DGKB: variants seen among roughly 807,000 people sequenced by gnomAD.
DGKB encodes 90 kDa diacylglycerol kinase.
In DGKB, 67 loss-of-function variants were observed where a neutral mutation model predicts 114.3. The observed-to-expected ratio is 0.59, with a 90% CI of 0.48 to 0.72. DGKB has a LOEUF of 0.72. Ranked by LOEUF, DGKB falls within the 30% of genes least tolerant of loss-of-function variation. DGKB has a pLI of 0.00. For synonymous variants in DGKB, 398 were observed against 323.1 expected (o/e 1.23, Z -2.49); for missense variants, 907 against 975.2 (o/e 0.93, Z 0.93).
chr7:14,499,006 G>T (rs1785716736), intron 20 of DGKB, among the ~76,000 whole-genome samples: 1 of 151,620 alleles, frequency 6.6e-6, no homozygotes, highest in Admixed American at 6.6e-5. Flanking sequence ...ATTTCATTGG[G>T]AAGTTTAGTC....
intron 7 of DGKB, 124 bp from the exon 8 acceptor site, chr7:14,698,293 T>G (rs1034520516): frequency 1.7e-6 from 1 of 601,980 alleles, no homozygotes; most frequent in African/African-American, 2.0e-5. Flanking sequence ...TATGGGAATA[T>G]ATATATGTAC....
chr7:14,208,985 T>A (rs1357076414), intron 23 of DGKB: 2 of 152,496 alleles, frequency 1.3e-5, no homozygotes, highest in African/African-American at 2.4e-5. Context: ...GTAGCCTATA[T>A]ATTCTATACA....
intron 20 of DGKB, among the ~76,000 whole-genome samples, chr7:14,531,101 T>C (rs965176346): frequency 6.6e-6 from 1 of 151,590 alleles, no homozygotes; most frequent in South Asian, 2.1e-4. Context: ...AATACACTTA[T>C]CTATTCCTTA....
Position 14,574,238 on chromosome 7 carries a change from T to C in DGKB, c.1744A>G (p.Ile582Val). 1 of 1,613,260 alleles carries C rather than the reference T, an allele frequency of 6.2e-7. No homozygotes were observed. Among genetic ancestry groups the C allele is most frequent in the Non-Finnish European group, 8.5e-7 (1 of 1,179,520 alleles). The change falls in exon 20 of 26, where the codon ATC becomes GTC. Residue 582 changes from isoleucine to valine, a missense_variant. Coordinates refer to ENST00000402815, the MANE Select transcript of DGKB (RefSeq NM_001350709.2). ...ACGCCAATGGAAAAGTAATTATTGA[T>C]GATACTGTAAGGCACTGGGTCTCCT... ...EKGDPVPYSI[I>V]NNYFSIGVDA...
intron 1 of DGKB, among the ~76,000 whole-genome samples, chr7:14,913,424 T>C (rs966856266): frequency 6.6e-6 from 1 of 150,766 alleles, no homozygotes; most frequent in Admixed American, 6.7e-5. Context: ...AGGTTATGTA[T>C]CCTAATCATC....
In DGKB at chr7:14,574,162, T is replaced by G. The variant is rs538869634; in HGVS notation, c.1770+50A>C. The stretch of plus-strand genomic sequence containing the variant: ...TTTCATAGTTTAAAAGTTTTCTCAC[T>G]GTGATTATACAGTACAGGTACAAAG... On this transcript the variant is annotated intron_variant, in intron 20 of 25. Coordinates refer to ENST00000402815, the MANE Select transcript of DGKB (RefSeq NM_001350709.2). 9.4e-5 allele frequency: 131 copies of G among 1,394,120 alleles called. No individual in the cohort carries two copies. The South Asian group carries it at 1.9e-3, about 20-fold the overall frequency. The allele number at this position is 1,394,120 out of a possible 1,614,324, so 86.4% of individuals were successfully genotyped here.
At chr7:14,647,529 A>G (rs1250128761) in intron 13 of DGKB, among the ~76,000 whole-genome samples, 4 of 152,244 alleles carry the variant, frequency 2.6e-5, no homozygotes, top group African/African-American at 9.6e-5. Flanking sequence ...ACACAAAACA[A>G]CAACAAACTA....
In DGKB at chr7:14,767,933, C is replaced by G. The variant is rs184643091; in HGVS notation, c.71-10202G>C. On this transcript the variant is annotated intron_variant, in intron 2 of 25. Coordinates refer to ENST00000402815, the MANE Select transcript of DGKB (RefSeq NM_001350709.2). ...GCAACAATTCTGTATTCTCTAGTCA[C>G]AACACTAATAACATCCTGTTTTAAG... 4.9e-3 allele frequency among the ~76,000 whole-genome samples: 746 copies of G among 151,952 alleles called. 3 individuals are homozygous for G. Among genetic ancestry groups the G allele is most frequent in the Middle Eastern group, 0.014 (4 of 294 alleles).
At chr7:14,563,418 A>G (rs1446920863) in intron 20 of DGKB, among the ~76,000 whole-genome samples, 1 of 152,168 alleles carries the variant, frequency 6.6e-6, no homozygotes, top group Non-Finnish European at 1.5e-5. Flanking sequence ...TGAAATCTTC[A>G]AAGTGGTAAG....
chr7:14,630,189 T>A, intron 14 of DGKB, 47 bp downstream of exon 14: 2 of 1,366,478 alleles, frequency 1.5e-6, no homozygotes, highest in Non-Finnish European at 1.0e-6. Context: ...ACAAGATGTA[T>A]AATGACCTAT....
At chr7:14,864,541 A>C (rs187888919) in intron 1 of DGKB, among the ~76,000 whole-genome samples, 26 of 152,320 alleles carry the variant, frequency 1.7e-4, no homozygotes, top group Middle Eastern at 6.8e-3. Flanking sequence ...ATGTATTTTG[A>C]ATATAGAAAG....
At chr7:14,828,454 T>G (rs1268717817) in intron 2 of DGKB, among the ~76,000 whole-genome samples, 1 of 152,022 alleles carries the variant, frequency 6.6e-6, no homozygotes, top group East Asian at 1.9e-4. Flanking sequence ...CCTTAGACAG[T>G]TGGAATAAGA....
chr7:14,203,096 G>GA lies in DGKB; in HGVS notation c.2123-24946dup, dbSNP rs1191140290. ...AAAAAGGTGCAAATGTGTGCAACGT[G>GA]AAAAAAAATCAACAGATGTGCGAAT... On this transcript the variant is annotated intron_variant, in intron 23 of 25. Transcript: ENST00000402815. 1.7e-4 allele frequency among the ~76,000 whole-genome samples: 21 copies of GA among 122,278 alleles called. No homozygotes were observed. The East Asian group carries it at 4.1e-3, about 24-fold the overall frequency. The allele number at this position is 122,278 out of a possible 152,430, so 80.2% of individuals were successfully genotyped here.
At chr7:14,800,760 T>G (rs1842046058) in intron 2 of DGKB, among the ~76,000 whole-genome samples, 1 of 152,178 alleles carries the variant, frequency 6.6e-6, no homozygotes, top group African/African-American at 2.4e-5. Flanking sequence ...TTCATGCCTT[T>G]GAATCAACAG....
intron 23 of DGKB, among the ~76,000 whole-genome samples, chr7:14,221,096 A>C (rs1328305447): frequency 6.6e-6 from 1 of 151,434 alleles, no homozygotes; most frequent in African/African-American, 2.4e-5. Flanking sequence ...TATATATAAG[A>C]ACATGTTATG....
chr7:14,867,589 T>A (rs970701395), intron 1 of DGKB, among the ~76,000 whole-genome samples: 1 of 152,136 alleles, frequency 6.6e-6, no homozygotes, highest in African/African-American at 2.4e-5. Flanking sequence ...TTCAACCTCA[T>A]TTGCTGCATA....
intron 21 of DGKB, among the ~76,000 whole-genome samples, chr7:14,361,865 T>C (rs1426644938): frequency 6.6e-6 from 1 of 152,044 alleles, no homozygotes; most frequent in Non-Finnish European, 1.5e-5. Flanking sequence ...CCTTTTTTCC[T>C]ATATTAAAAT....
intron 21 of DGKB, among the ~76,000 whole-genome samples, chr7:14,367,793 GGT>G (rs1816929496): frequency 6.6e-6 from 1 of 151,906 alleles, no homozygotes; most frequent in Non-Finnish European, 1.5e-5. Context: ...TTTGTCACAG[GGT>G]GGCAGGAGAG....
At chr7:14,855,560 C>A (rs1279892625) in intron 1 of DGKB, among the ~76,000 whole-genome samples, 1 of 151,938 alleles carries the variant, frequency 6.6e-6, no homozygotes, top group Non-Finnish European at 1.5e-5. Flanking sequence ...ACATACATAC[C>A]CCCATGCATA....
Sources: allele counts gnomAD v4.1 joint callset (sites outside exome capture counted in the v4.1 genomes callset), GRCh38; gene constraint gnomAD v4.1.1; transcripts MANE v1.5; gene names NCBI Gene and HGNC (gene_info 2026-07-23, HGNC 2026-07-21).